CUBN: variants seen among roughly 807,000 people sequenced by gnomAD.
CUBN encodes the protein cubilin.
CUBN carries 282 observed loss-of-function variants against 405.3 expected under a neutral mutation model. The observed-to-expected ratio is 0.70, with a 90% CI of 0.63 to 0.77. CUBN has a LOEUF of 0.77. Ranked by LOEUF, CUBN falls within the 30% of genes least tolerant of loss-of-function variation. The pLI is 0.00. For missense variants in CUBN, 4,514 were observed against 4,475.2 expected (o/e 1.01, Z -0.25); for synonymous variants, 1,684 against 1,617.0 (o/e 1.04, Z -0.99).
At position 16,858,874 on chromosome 10, in the gene CUBN, G is replaced by A. The variant is rs560729108; in HGVS notation, c.9455-7431C>T. On this transcript the variant is annotated intron_variant, in intron 59 of 66. Transcript: ENST00000377833. ...AATGTGCCAATGCAATTCAATGAAG[G>A]AAGGACAGCCTTTTCAACCAATGGT... Among the ~76,000 whole-genome samples, 9 of 152,298 alleles carry A rather than the reference G, an allele frequency of 5.9e-5. No individual in the cohort carries two copies. The East Asian group carries it at 1.7e-3, about 29-fold the overall frequency.
At chr10:16,890,223 G>A (rs1260100441) in intron 55 of CUBN, 148 bp downstream of exon 55, 3 of 759,856 alleles carry the variant, frequency 3.9e-6, no homozygotes, top group Non-Finnish European at 4.6e-6. Flanking sequence ...CTATTTGGAA[G>A]AAAGGTGTCT....
intron 2 of CUBN, among the ~76,000 whole-genome samples, chr10:17,128,237 C>T (rs1044521671): frequency 6.6e-6 from 1 of 152,182 alleles, no homozygotes; most frequent in African/African-American, 2.4e-5. Flanking sequence ...TAAGTCCTGG[C>T]TCAGCTATTT....
intron 49 of CUBN, among the ~76,000 whole-genome samples, chr10:16,907,185 G>A (rs971341689): frequency 1.3e-5 from 2 of 152,112 alleles, no homozygotes; most frequent in African/African-American, 4.8e-5. Context: ...GGAGGTAGAT[G>A]GTTTCTTTCA....
At chr10:16,972,443 A>ATATT (rs1554803060) in intron 31 of CUBN, among the ~76,000 whole-genome samples, 7 of 146,310 alleles carry the variant, frequency 4.8e-5, no homozygotes, top group African/African-American at 1.8e-4. Flanking sequence ...ATCATTCACA[A>ATATT]TTTTTTTTTT....
intron 57 of CUBN, among the ~76,000 whole-genome samples, 179 bp from the exon 58 acceptor site, chr10:16,874,682 G>C (rs1180604548): frequency 6.6e-6 from 1 of 152,080 alleles, no homozygotes; most frequent in Non-Finnish European, 1.5e-5. Context: ...TTTTCCACTA[G>C]GAAGGAAGAT....
At chr10:17,043,098 G>C (rs1200003234) in intron 26 of CUBN, among the ~76,000 whole-genome samples, 3 of 152,096 alleles carry the variant, frequency 2.0e-5, no homozygotes, top group African/African-American at 7.2e-5. Context: ...AGAGCTAGAA[G>C]GCAGGTTTAG....
intron 28 of CUBN, among the ~76,000 whole-genome samples, chr10:17,003,486 C>T (rs1833942977): frequency 6.6e-6 from 1 of 152,098 alleles, no homozygotes; most frequent in South Asian, 2.1e-4. Context: ...GCAGCAAGGA[C>T]ACACAATAAT....
At chr10:16,858,529 C>G (rs187405186) in intron 59 of CUBN, among the ~76,000 whole-genome samples, 29 of 150,020 alleles carry the variant, frequency 1.9e-4, no homozygotes, top group African/African-American at 7.1e-4. Flanking sequence ...CTATTATTGG[C>G]CAGGCTGGTC....
At chr10:17,088,088 C>T in intron 15 of CUBN, 76 bp downstream of exon 15, 6 of 1,179,674 alleles carry the variant, frequency 5.1e-6, no homozygotes, top group Non-Finnish European at 7.6e-6. Context: ...TGGGGTCATC[C>T]ATGGGCATGG....
At chr10:17,094,620 G>A (rs976136588) in intron 14 of CUBN, among the ~76,000 whole-genome samples, 2 of 151,930 alleles carry the variant, frequency 1.3e-5, no homozygotes, top group East Asian at 3.9e-4. Context: ...ACAACTAACT[G>A]TACAAAAAGG....
intron 59 of CUBN, among the ~76,000 whole-genome samples, chr10:16,851,791 C>T (rs1279216168): frequency 7.6e-6 from 1 of 131,060 alleles, no homozygotes; most frequent in South Asian, 2.7e-4. Context: ...TCCCTCTCTC[C>T]CTCCATCTTT....
chr10:16,979,018 A>AAAAATC (rs1833183274), intron 31 of CUBN, among the ~76,000 whole-genome samples: 1 of 152,216 alleles, frequency 6.6e-6, no homozygotes, highest in Non-Finnish European at 1.5e-5. Context: ...ATCAATGTGC[A>AAAAATC]AAAATCACAA....
At chr10:17,123,790 G>A (rs1258668031) in intron 4 of CUBN, 101 bp from the exon 5 acceptor site, 5 of 761,956 alleles carry the variant, frequency 6.6e-6, no homozygotes, top group Non-Finnish European at 1.2e-5. Flanking sequence ...TTAATCAGTG[G>A]GGGTCTCCTT....
intron 56 of CUBN, among the ~76,000 whole-genome samples, chr10:16,881,550 A>G (rs556948438): frequency 1.1e-3 from 170 of 152,354 alleles, no homozygotes; most frequent in Non-Finnish European, 1.9e-3. Flanking sequence ...AGATGGCAAT[A>G]GAATATCAAC....
intron 12 of CUBN, 113 bp downstream of exon 12, chr10:17,104,306 T>A: frequency 3.5e-6 from 3 of 866,866 alleles, no homozygotes; most frequent in Non-Finnish European, 5.8e-6. Flanking sequence ...GTTCTCAGTA[T>A]CTGAGCAACT....
chr10:17,091,534 A>G (rs1327088766), intron 14 of CUBN, among the ~76,000 whole-genome samples: 1 of 152,202 alleles, frequency 6.6e-6, no homozygotes, highest in East Asian at 1.9e-4. Flanking sequence ...AAATAAATAA[A>G]GAAGAAATAA....
intron 14 of CUBN, among the ~76,000 whole-genome samples, chr10:17,095,587 C>T (rs1405299181): frequency 2.0e-5 from 3 of 151,736 alleles, no homozygotes; most frequent in Non-Finnish European, 2.9e-5. Context: ...TGGCCATTAT[C>T]GAGAAGATAA....
At chr10:16,995,383 ATACT>A (rs757173409) in intron 28 of CUBN, among the ~76,000 whole-genome samples, 13 of 152,214 alleles carry the variant, frequency 8.5e-5, no homozygotes, top group Non-Finnish European at 1.6e-4. Flanking sequence ...AGCTGTATGA[ATACT>A]TACTTCATAG....
rs754845243 is a variant in CUBN, at chr10:16,835,096, G to C, written c.10280C>G (p.Ala3427Gly). 5.6e-6 allele frequency: 9 copies of C among 1,614,150 alleles called. No homozygotes were observed. In the South Asian group the frequency reaches 9.9e-5, roughly 18 times the overall value. ...NDKDCTVTLT[A>G]PQNHTISLFF... The stretch of plus-strand genomic sequence containing the variant: ...GAGGGAAATGGTGTGGTTCTGGGGG[G>C]CTGTGAGAGTAACGGTGCAATCCTT... The change falls in exon 64 of 67, where the codon GCC (alanine) becomes GGC (glycine). Residue 3427 changes from alanine to glycine, a missense_variant. Ala to Gly is a moderately conservative substitution (Grantham distance 60). Coordinates refer to ENST00000377833, the MANE Select transcript of CUBN (RefSeq NM_001081.4).
Sources: allele counts gnomAD v4.1 joint callset (sites outside exome capture counted in the v4.1 genomes callset), GRCh38; gene constraint gnomAD v4.1.1; transcripts MANE v1.5; gene names NCBI Gene and HGNC (gene_info 2026-07-23, HGNC 2026-07-21).